The following CHST11 variants were observed in gnomAD, a reference collection of about 807,000 sequenced individuals.
The protein encoded by CHST11 is C4S-1.
Under a neutral mutation model 30.4 loss-of-function variants are expected in CHST11, and 9 were observed. That is an observed-to-expected ratio of 0.30 (90% CI 0.18 to 0.52). The LOEUF is 0.52. CHST11 is among the 20% of genes least tolerant of loss of function. CHST11 has a pLI of 0.97. For synonymous variants in CHST11, 152 were observed against 187.8 expected, an observed-to-expected ratio of 0.81 and a Z score of 1.56; for missense variants, 348 against 460.6, an observed-to-expected ratio of 0.76 and a Z score of 2.24.
chr12:104,564,226 G>C (rs1180456152), intron 1 of CHST11, among the ~76,000 whole-genome samples: 1 of 152,178 alleles, frequency 6.6e-6, no homozygotes, highest in Non-Finnish European at 1.5e-5. Flanking sequence ...TTCCCTGTGG[G>C]GACCAGCCCA....
At chr12:104,465,380 T>C (rs2037447587) in intron 1 of CHST11, among the ~76,000 whole-genome samples, 1 of 152,244 alleles carries the variant, frequency 6.6e-6, no homozygotes, top group South Asian at 2.1e-4. Flanking sequence ...GGGAAGTAAG[T>C]GATTTAACTT....
At chr12:104,590,165 C>T (rs2136039003) in intron 1 of CHST11, among the ~76,000 whole-genome samples, 1 of 152,262 alleles carries the variant, frequency 6.6e-6, no homozygotes, top group South Asian at 2.1e-4. Flanking sequence ...CTCCTCTTCT[C>T]CAGATGGCCT....
intron 2 of CHST11, among the ~76,000 whole-genome samples, chr12:104,605,424 A>C (rs1300786638): frequency 6.6e-6 from 1 of 152,178 alleles, no homozygotes. Context: ...CTAAAAATAC[A>C]AAAAATTCTA....
rs199731080 is a variant in CHST11 at position 104,744,411 on chromosome 12, ACTGT to A, written c.205-12533_205-12530del. ...GCCTCATGTATGTCTTCTTTTGAAA[ACTGT>A]CTGTTCACATCCTCTGCCCACTTTT... On this transcript the variant is annotated intron_variant, in intron 2 of 2. Coordinates refer to ENST00000303694, the MANE Select transcript of CHST11 (RefSeq NM_018413.6). Among the ~76,000 whole-genome samples the A allele has an allele frequency of 7.7e-4, 117 of 151,970 alleles. 2 individuals carry two copies. The East Asian group carries it at 0.021, about 28-fold the overall frequency.
At chr12:104,505,334 A>AC (rs1203835373) in intron 1 of CHST11, among the ~76,000 whole-genome samples, 1 of 151,022 alleles carries the variant, frequency 6.6e-6, no homozygotes, top group Non-Finnish European at 1.5e-5. Context: ...CACCCCCCAC[A>AC]CCCCCCCAGC....
chr12:104,752,585 T>C (rs561979074), intron 2 of CHST11, among the ~76,000 whole-genome samples: 6 of 152,304 alleles, frequency 3.9e-5, no homozygotes, highest in Admixed American at 3.3e-4. Context: ...TGGAGTGCAG[T>C]GCCGCGATCG....
chr12:104,530,758 T>G (rs2038175253), intron 1 of CHST11, among the ~76,000 whole-genome samples: 1 of 152,230 alleles, frequency 6.6e-6, no homozygotes, highest in South Asian at 2.1e-4. Flanking sequence ...GCCTCCTGAC[T>G]CACCTTTGGG....
At chr12:104,602,055 C>T (rs775436399) in intron 2 of CHST11, 64 bp downstream of exon 2, 1 of 1,202,882 alleles carries the variant, frequency 8.3e-7, no homozygotes, top group Non-Finnish European at 1.2e-6. Context: ...ATACTAAAAA[C>T]TCTAAAATTG....
intron 1 of CHST11, among the ~76,000 whole-genome samples, chr12:104,563,789 G>A (rs1031298656): frequency 2.2e-4 from 33 of 151,948 alleles, no homozygotes; most frequent in African/African-American, 7.7e-4. Context: ...GGTTTTCAGC[G>A]CACATGTAAG....
At chr12:104,532,842 C>A (rs1404585685) in intron 1 of CHST11, among the ~76,000 whole-genome samples, 12 of 152,148 alleles carry the variant, frequency 7.9e-5, no homozygotes, top group Admixed American at 7.9e-4. Context: ...CAGTGGCCCC[C>A]ACACCCACCA....
chr12:104,550,693 A>G (rs1387171841), intron 1 of CHST11, among the ~76,000 whole-genome samples: 2 of 152,352 alleles, frequency 1.3e-5, no homozygotes, highest in East Asian at 3.9e-4. Flanking sequence ...GCATTTTAAA[A>G]GTCAGTGTGC....
intron 2 of CHST11, among the ~76,000 whole-genome samples, chr12:104,685,697 T>C (rs1344433436): frequency 6.6e-6 from 1 of 152,214 alleles, no homozygotes; most frequent in Non-Finnish European, 1.5e-5. Context: ...GGGACTATTC[T>C]TGTTATGGTT....
chr12:104,636,021 T>C (rs1344170835), intron 2 of CHST11, among the ~76,000 whole-genome samples: 1 of 152,074 alleles, frequency 6.6e-6, no homozygotes, highest in Non-Finnish European at 1.5e-5. Flanking sequence ...ATTTACAGAG[T>C]GTATATTATG....
intron 2 of CHST11, among the ~76,000 whole-genome samples, chr12:104,730,368 C>A (rs2040247105): frequency 6.6e-6 from 1 of 152,220 alleles, no homozygotes; most frequent in African/African-American, 2.4e-5. Flanking sequence ...ACCTTTGATG[C>A]AGGGCCTGAC....
chr12:104,616,488 C>T (rs1389237594), intron 2 of CHST11, among the ~76,000 whole-genome samples: 3 of 147,894 alleles, frequency 2.0e-5, no homozygotes, highest in South Asian at 2.1e-4. Flanking sequence ...TTTTTTGAGA[C>T]GGAGTCTCAC....
intron 2 of CHST11, among the ~76,000 whole-genome samples, chr12:104,640,737 ATGCAT>A (rs1161663473): frequency 6.6e-6 from 1 of 152,218 alleles, no homozygotes; most frequent in Non-Finnish European, 1.5e-5. Context: ...ATTAATAAGA[ATGCAT>A]TGACAGTGGC....
At chr12:104,689,491 C>G (rs560458977) in intron 2 of CHST11, among the ~76,000 whole-genome samples, 9 of 152,346 alleles carry the variant, frequency 5.9e-5, no homozygotes, top group African/African-American at 2.2e-4. Flanking sequence ...TTTGAATTCT[C>G]TTTCATGCAT....
chr12:104,591,789 G>A lies in CHST11; in HGVS notation c.119-10117G>A, dbSNP rs117856189. ...GTGTGTTGTAAAATGGATTTAATGA[G>A]TTGTGACTAGTAGTTCATAAAAGAA... On this transcript the variant is annotated intron_variant, in intron 1 of 2. Coordinates refer to ENST00000303694, the MANE Select transcript of CHST11 (RefSeq NM_018413.6). 20 of 154,140 alleles carry A rather than the reference G, an allele frequency of 1.3e-4. No homozygotes were observed. The East Asian group carries it at 3.5e-3, about 27-fold the overall frequency. 9.5% of individuals were successfully genotyped at this position (154,140 alleles called of 1,614,324 possible).
At chr12:104,528,668 C>T (rs1366677361) in intron 1 of CHST11, among the ~76,000 whole-genome samples, 1 of 152,214 alleles carries the variant, frequency 6.6e-6, no homozygotes, top group Non-Finnish European at 1.5e-5. Context: ...GTGCACTAGA[C>T]TGTGCTGTTT....
Sources: allele counts gnomAD v4.1 joint callset (sites outside exome capture counted in the v4.1 genomes callset), GRCh38; gene constraint gnomAD v4.1.1; transcripts MANE v1.5; gene names NCBI Gene and HGNC (gene_info 2026-07-23, HGNC 2026-07-21).